The following SLAIN1 variants were observed in gnomAD, a reference collection of about 807,000 sequenced individuals.
The protein encoded by SLAIN1 is SLAIN motif-containing protein 1.
SLAIN1 carries 17 observed loss-of-function variants against 55.4 expected under a neutral mutation model. The ratio of observed to expected loss-of-function variants is 0.31; its 90% CI spans 0.21 to 0.46. The LOEUF is 0.46. Among genes scored for constraint, SLAIN1 ranks in the 20% least tolerant of loss-of-function variants. The pLI, the probability that SLAIN1 is intolerant of heterozygous loss-of-function variation, is 1.00. For synonymous variants in SLAIN1, 348 were observed against 337.4 expected (o/e 1.03, Z -0.35); for missense variants, 682 against 785.1 (o/e 0.87, Z 1.57).
chr13:77,698,591 G>A lies in SLAIN1; in HGVS notation c.626+52G>A, dbSNP rs2090998059. The A allele has an allele frequency of 2.2e-6, 3 of 1,350,326 alleles. No individual in the cohort carries two copies. Among genetic ancestry groups the A allele is most frequent in the Non-Finnish European group, 2.8e-6 (3 of 1,055,928 alleles). The allele number at this position is 1,350,326 out of a possible 1,614,324, so 83.6% of individuals were successfully genotyped here. The stretch of plus-strand genomic sequence containing the variant: ...GAGACCCTGGCCTCGGGGGCTTCGG[G>A]CACCGGGGAGCGGGGGCGGGGGGCG... On this transcript the variant is annotated intron_variant, in intron 1 of 6. Coordinates refer to ENST00000418532, the MANE Select transcript of SLAIN1 (RefSeq NM_001242868.2). The surrounding 1 kb of genome is among the most constrained non-coding windows in gnomAD (Gnocchi z 4.1).
intron 5 of SLAIN1, among the ~76,000 whole-genome samples, chr13:77,758,776 T>C (rs1874791975): frequency 6.6e-6 from 1 of 152,222 alleles, no homozygotes; most frequent in Non-Finnish European, 1.5e-5. Context: ...TTCTGTTCAA[T>C]TGGTCGATAT....
Position 77,698,608 on chromosome 13 carries a change from C to CG in SLAIN1, c.626+75dup. On this transcript the variant is annotated intron_variant, in intron 1 of 6. Transcript: ENST00000418532. The surrounding 1 kb of genome is among the most constrained non-coding windows in gnomAD (Gnocchi z 4.1). ...GGCTTCGGGCACCGGGGAGCGGGGG[C>CG]GGGGGGCGGACGGGGGTCCCCTCGC... The CG allele has an allele frequency of 2.3e-6, 3 of 1,332,924 alleles. No individual in the cohort carries two copies. Among genetic ancestry groups the CG allele is most frequent in the Non-Finnish European group, 2.9e-6 (3 of 1,046,076 alleles). 82.6% of individuals were successfully genotyped at this position (1,332,924 alleles called of 1,614,324 possible). A position where few individuals can be genotyped will look rare whatever the true frequency, so the allele number is the denominator to read the frequency against.
Position 77,719,561 on chromosome 13 carries a change from C to A in SLAIN1, c.656C>A (p.Thr219Asn), listed in dbSNP as rs779298958. Reference protein sequence around the residue: ...WLYIGSSKTFTSSEKSLTPLQ... With the variant: ...WLYIGSSKTFNSSEKSLTPLQ... ...TACATTGGCTCTTCAAAGACGTTCA[C>A]CTCATCAGAGAAATCCCTGACTCCT... Residue 219 changes from threonine to asparagine, a missense_variant, in exon 2 of 7, where the codon ACC becomes AAC. Thr to Asn is a moderately conservative substitution (Grantham distance 65). Around this residue, in one of 3 missense-constraint regions of SLAIN1, gnomAD observed 401 missense variants for 417.3 expected, o/e 0.96. Coordinates refer to ENST00000418532, the MANE Select transcript of SLAIN1 (RefSeq NM_001242868.2). 1 of 1,613,148 alleles carries A rather than the reference C, an allele frequency of 6.2e-7. No individual in the cohort carries two copies. The highest frequency in any genetic ancestry group is 1.3e-5 in the African/African-American group (1 of 74,960).
At chr13:77,735,735 C>T (rs978666169) in intron 2 of SLAIN1, among the ~76,000 whole-genome samples, 1 of 152,004 alleles carries the variant, frequency 6.6e-6, no homozygotes, top group Non-Finnish European at 1.5e-5. Flanking sequence ...TGACAGAAAC[C>T]CTATGGCCAG....
rs745738985 is a variant in SLAIN1, at chr13:77,746,528, T to G, written c.931T>G (p.Tyr311Asp). ...RLQEESLRQD[Y>D]ASTSASVSRH... Reference sequence around the variant, plus strand: ...TTATTTTATAGGTCTCAGGCAAGATTATGCTTCTACTTCAGCATCTGTATC... The same window carrying G: ...TTATTTTATAGGTCTCAGGCAAGATGATGCTTCTACTTCAGCATCTGTATC... The change falls in exon 4 of 7, where the codon TAT becomes GAT. Residue 311 changes from tyrosine to aspartate, a missense_variant. By Grantham distance (160) the Tyr-to-Asp change is radical. Around this residue, in one of 3 missense-constraint regions of SLAIN1, gnomAD observed 37 missense variants for 72.6 expected, o/e 0.51. Transcript: ENST00000418532. The G allele has an allele frequency of 6.2e-7, 1 of 1,605,902 alleles. No homozygotes were observed. The highest frequency in any genetic ancestry group is 8.5e-7 in the Non-Finnish European group (1 of 1,173,670).
intron 2 of SLAIN1, among the ~76,000 whole-genome samples, chr13:77,719,956 C>CA: frequency 6.6e-6 from 1 of 151,212 alleles, no homozygotes; most frequent in Non-Finnish European, 1.5e-5. Flanking sequence ...ATATACCAGT[C>CA]AAAAAAATTG....
At chr13:77,737,624 A>G (rs1237977597) in intron 2 of SLAIN1, among the ~76,000 whole-genome samples, 1 of 152,034 alleles carries the variant, frequency 6.6e-6, no homozygotes, top group Non-Finnish European at 1.5e-5. Flanking sequence ...TTGGTTTCAT[A>G]TGCATTACTT....
At chr13:77,699,692 A>C (rs910191734) in intron 1 of SLAIN1, among the ~76,000 whole-genome samples, 7 of 152,208 alleles carry the variant, frequency 4.6e-5, no homozygotes, top group African/African-American at 1.7e-4. Flanking sequence ...TTCATTCAAG[A>C]ATCAAAATAT....
chr13:77,756,899 G>T (rs1874646041), intron 5 of SLAIN1, among the ~76,000 whole-genome samples: 1 of 152,086 alleles, frequency 6.6e-6, no homozygotes, highest in Non-Finnish European at 1.5e-5. Flanking sequence ...CTAGGAAGAG[G>T]CATGAGAGAG....
intron 1 of SLAIN1, among the ~76,000 whole-genome samples, chr13:77,702,022 G>T (rs1025903460): frequency 3.4e-5 from 5 of 146,138 alleles, no homozygotes; most frequent in African/African-American, 1.3e-4. Flanking sequence ...GCGGTGTTTG[G>T]TTTTTTGTTC....
At chr13:77,719,444 A>T (rs1033485045) in intron 1 of SLAIN1, 88 bp from the exon 2 acceptor site, 9 of 908,256 alleles carry the variant, frequency 9.9e-6, no homozygotes, top group Non-Finnish European at 1.4e-5. Context: ...GTTTCTATGG[A>T]AATTGTTAAA....
chr13:77,698,405 G>T lies in SLAIN1; in HGVS notation c.492G>T (p.Pro164=). Residue 164 remains proline (P), a synonymous_variant, in exon 1 of 7, where the codon CCG becomes CCT. Transcript: ENST00000418532. This position sits in a 1 kb window ranked among gnomAD's most constrained non-coding sequence, Gnocchi z 4.1. ...AGFFGAGGGG[P]EPGGAGTPPG... ...TCTTCGGCGCGGGCGGTGGCGGGCCGGAGCCGGGGGGCGCGGGGACGCCGC... is the reference window on the plus strand; with the variant it reads ...TCTTCGGCGCGGGCGGTGGCGGGCCTGAGCCGGGGGGCGCGGGGACGCCGC... The T allele has an allele frequency of 2.2e-6, 3 of 1,391,630 alleles. No homozygotes were observed. The highest frequency in any genetic ancestry group is 2.8e-6 in the Non-Finnish European group (3 of 1,077,996). The allele number at this position is 1,391,630 out of a possible 1,614,324, so 86.2% of individuals were successfully genotyped here.
chr13:77,742,495 T>G (rs1444162576), intron 2 of SLAIN1, among the ~76,000 whole-genome samples: 1 of 152,024 alleles, frequency 6.6e-6, no homozygotes, highest in Non-Finnish European at 1.5e-5. Flanking sequence ...ATAGTCATTC[T>G]AAGTCCTCCC....
At chr13:77,712,329 C>T (rs953901097) in intron 1 of SLAIN1, among the ~76,000 whole-genome samples, 2 of 152,196 alleles carry the variant, frequency 1.3e-5, no homozygotes, top group Admixed American at 6.5e-5. Context: ...CCCATCATCT[C>T]AGCCCAAAAT....
intron 1 of SLAIN1, among the ~76,000 whole-genome samples, chr13:77,699,688 C>T (rs1223291416): frequency 1.3e-5 from 2 of 152,118 alleles, no homozygotes; most frequent in Non-Finnish European, 2.9e-5. Context: ...TGGTTTCATT[C>T]AAGAATCAAA....
At chr13:77,711,337 TAAA>T (rs2091148280) in intron 1 of SLAIN1, among the ~76,000 whole-genome samples, 1 of 151,996 alleles carries the variant, frequency 6.6e-6, no homozygotes. Flanking sequence ...GCCAGACTAT[TAAA>T]GAAGAAAAGA....
intron 2 of SLAIN1, among the ~76,000 whole-genome samples, chr13:77,726,165 G>GT (rs962911181): frequency 3.9e-4 from 59 of 151,338 alleles, no homozygotes; most frequent in Admixed American, 7.9e-4. Flanking sequence ...TCTGCAGAAA[G>GT]TTTTTTTTTC....
chr13:77,746,948 A>G (rs1873871095), intron 4 of SLAIN1, 93 bp downstream of exon 4: 5 of 1,155,516 alleles, frequency 4.3e-6, no homozygotes, highest in Non-Finnish European at 6.1e-6. Context: ...TGTTTTTGAG[A>G]CAGAATCTGT....
At chr13:77,744,161 G>A (rs1873651490) in intron 2 of SLAIN1, 122 bp from the exon 3 acceptor site, 5 of 756,254 alleles carry the variant, frequency 6.6e-6, no homozygotes, top group Non-Finnish European at 1.2e-5. Flanking sequence ...ATGGTGACAT[G>A]TTGGTGATTT....
Sources: allele counts gnomAD v4.1 joint callset (sites outside exome capture counted in the v4.1 genomes callset), GRCh38; gene constraint gnomAD v4.1.1; regional missense constraint gnomAD v4.1.1; non-coding constraint Gnocchi (gnomAD v3.1); transcripts MANE v1.5; gene names NCBI Gene and HGNC (gene_info 2026-07-23, HGNC 2026-07-21).